Variants in ART1 observed in about 807,000 individuals in gnomAD.
The protein encoded by ART1 is ADP-ribosyltransferase 1.
ART1 carries 29 observed loss-of-function variants against 27.0 expected under a neutral mutation model. The ratio of observed to expected loss-of-function variants is 1.08; its 90% CI spans 0.80 to 1.47. The LOEUF (loss-of-function observed/expected upper bound fraction) is 1.47, where lower values mean the gene tolerates loss of function less well. ART1 is among the 40% of genes most tolerant of loss of function. The probability of loss-of-function intolerance (pLI) is 0.00; values close to 1 mark genes in which losing one functional copy is unlikely to be tolerated. For missense variants in ART1, 480 were observed against 423.0 expected (o/e 1.13, Z -1.18); for synonymous variants, 201 against 172.2 (o/e 1.17, Z -1.31).
chr11:3,652,474 C>G (rs2077531898), intron 1 of ART1, among the ~76,000 whole-genome samples: 1 of 151,964 alleles, frequency 6.6e-6, no homozygotes, highest in Non-Finnish European at 1.5e-5. Flanking sequence ...AAACACACCT[C>G]ATCAAGCTCA....
chr11:3,662,673 C>T (rs1007629059), intron 4 of ART1, among the ~76,000 whole-genome samples: 2 of 152,120 alleles, frequency 1.3e-5, no homozygotes, highest in African/African-American at 4.8e-5. Context: ...GGAGAAACCC[C>T]GTCTCTACTA....
In ART1 at chr11:3,659,734, A is replaced by G; in HGVS notation, c.215A>G (p.Asn72Ser). 3.1e-6 allele frequency: 5 copies of G among 1,614,006 alleles called. No homozygotes were observed. Among genetic ancestry groups the G allele is most frequent in the Non-Finnish European group, 3.4e-6 (4 of 1,179,994 alleles). Residue 72 changes from asparagine (N) to serine (S), a missense_variant, in exon 3 of 5, where the codon AAC (asparagine) becomes AGC (serine). Physicochemically the swap from Asn to Ser is conservative, Grantham distance 46 (BLOSUM62 1). Transcript: ENST00000250693. ...CTCAACCACACGGAGTTCCAGGCCA[A>G]CCAGGTGTATGCAGACAGCTGGACA... ...PDLNHTEFQA[N>S]QVYADSWTLA...
chr11:3,649,090 G>A (rs773867124), intron 1 of ART1, among the ~76,000 whole-genome samples: 1 of 151,900 alleles, frequency 6.6e-6, no homozygotes, highest in African/African-American at 2.4e-5. Context: ...TTTTCTGGAG[G>A]GTAAGAACCC....
In ART1 at chr11:3,664,123, G is replaced by C. The variant is rs765793639; in HGVS notation, c.918G>C (p.Trp306Cys). 1 of 1,613,942 alleles carries C rather than the reference G, an allele frequency of 6.2e-7. No individual in the cohort carries two copies. Among genetic ancestry groups the C allele is most frequent in the Admixed American group, 1.7e-5 (1 of 60,006 alleles). Residue 306 changes from tryptophan (W) to cysteine (C), a missense_variant, in exon 5 of 5, where the codon TGG (tryptophan) becomes TGC (cysteine). Coordinates refer to ENST00000250693, the MANE Select transcript of ART1 (RefSeq NM_004314.3). ...AMGQSPLSAV[W>C]SLLLLLWFLV... ...GTCAGAGCCCCCTCTCTGCAGTCTG[G>C]TCTTTGCTGCTGCTGCTCTGGTTCC...
At chr11:3,645,518 C>T (rs1442863686) in intron 1 of ART1, among the ~76,000 whole-genome samples, 1 of 152,158 alleles carries the variant, frequency 6.6e-6, no homozygotes, top group East Asian at 1.9e-4. Flanking sequence ...TGGGCCCATG[C>T]CCACCCCATC....
At chr11:3,645,846 A>C (rs1565036709) in intron 1 of ART1, among the ~76,000 whole-genome samples, 1 of 152,132 alleles carries the variant, frequency 6.6e-6, no homozygotes, top group African/African-American at 2.4e-5. Context: ...TTAAGCCTTG[A>C]AGAGTAGGTA....
chr11:3,656,134 A>T (rs1187338598), intron 1 of ART1, among the ~76,000 whole-genome samples: 2 of 151,764 alleles, frequency 1.3e-5, no homozygotes, highest in Admixed American at 6.6e-5. Context: ...GGGTTTCACC[A>T]TGTTGGCCAG....
chr11:3,662,890 G>C (rs1041346978), intron 4 of ART1, among the ~76,000 whole-genome samples: 1 of 152,146 alleles, frequency 6.6e-6, no homozygotes, highest in African/African-American at 2.4e-5. Context: ...GTGCAGAGGA[G>C]AAGCAACTGG....
intron 1 of ART1, among the ~76,000 whole-genome samples, chr11:3,648,457 A>G (rs1438401220): frequency 2.0e-5 from 3 of 152,136 alleles, no homozygotes; most frequent in South Asian, 4.1e-4. Context: ...CAAATCCAGT[A>G]AGCAGACTCT....
intron 1 of ART1, among the ~76,000 whole-genome samples, chr11:3,651,214 T>G (rs59294824): frequency 0.71 from 94,856 of 133,160 alleles, 35,754 homozygotes; most frequent in Admixed American, 0.86. Context: ...CTATTCCTTT[T>G]CACCCTTCAT....
chr11:3,652,018 C>A (rs1022386040), intron 1 of ART1, among the ~76,000 whole-genome samples: 1 of 151,728 alleles, frequency 6.6e-6, no homozygotes, highest in African/African-American at 2.4e-5. Context: ...CATTTCCTTT[C>A]CATCGTGGAA....
chr11:3,663,144 C>CTCATCTCATCTCATCTCATCTCA (rs1554883234), intron 4 of ART1, among the ~76,000 whole-genome samples: 1 of 126,066 alleles, frequency 7.9e-6, no homozygotes, highest in Non-Finnish European at 1.7e-5. Context: ...CTCATCTCAT[C>CTCATCTCATCTCATCTCATCTCA]ATCATCTCAT....
At chr11:3,654,867 G>T (rs978494359) in intron 1 of ART1, among the ~76,000 whole-genome samples, 2 of 152,178 alleles carry the variant, frequency 1.3e-5, no homozygotes, top group Non-Finnish European at 2.9e-5. Context: ...CTGCCTTCAA[G>T]CCTCTCCTCC....
chr11:3,658,303 A>C (rs2077589158), intron 1 of ART1, among the ~76,000 whole-genome samples: 1 of 150,872 alleles, frequency 6.6e-6, no homozygotes, highest in Non-Finnish European at 1.5e-5. Flanking sequence ...ACTGCACTCC[A>C]GCCTGGGCAA....
intron 4 of ART1, among the ~76,000 whole-genome samples, chr11:3,663,212 C>A (rs984065199): frequency 4.6e-5 from 7 of 152,034 alleles, no homozygotes; most frequent in Non-Finnish European, 1.0e-4. Context: ...GCATTACCCC[C>A]CTTATATGGT....
At chr11:3,646,304 G>C (rs1281006408) in intron 1 of ART1, among the ~76,000 whole-genome samples, 2 of 152,102 alleles carry the variant, frequency 1.3e-5, no homozygotes, top group Non-Finnish European at 2.9e-5. Flanking sequence ...AGCCAGGGCA[G>C]GGGGTGTGGA....
chr11:3,652,719 C>A (rs1263579564), intron 1 of ART1, among the ~76,000 whole-genome samples: 1 of 151,680 alleles, frequency 6.6e-6, no homozygotes, highest in Non-Finnish European at 1.5e-5. Context: ...TTCTCAACTA[C>A]TCATACATGT....
chr11:3,658,159 C>T (rs2077588041), intron 1 of ART1, among the ~76,000 whole-genome samples: 1 of 151,756 alleles, frequency 6.6e-6, no homozygotes, highest in Admixed American at 6.6e-5. Flanking sequence ...ATGGTGAAAC[C>T]CCGTCTTTAC....
At chr11:3,647,862 G>A (rs889802056) in intron 1 of ART1, among the ~76,000 whole-genome samples, 9 of 151,886 alleles carry the variant, frequency 5.9e-5, no homozygotes, top group Admixed American at 1.3e-4. Context: ...GTTGCACAGG[G>A]CTGTGCTGGA....
Sources: allele counts gnomAD v4.1 joint callset (sites outside exome capture counted in the v4.1 genomes callset), GRCh38; gene constraint gnomAD v4.1.1; transcripts MANE v1.5; gene names NCBI Gene and HGNC (gene_info 2026-07-23, HGNC 2026-07-21).